Variants in GIGYF2 observed in about 807,000 individuals in gnomAD.
GIGYF2 encodes GRB10-interacting GYF protein 2.
In GIGYF2, 25 loss-of-function variants were observed where a neutral mutation model predicts 208.1. The ratio of observed to expected loss-of-function variants is 0.12; its 90% CI spans 0.09 to 0.17. The LOEUF (loss-of-function observed/expected upper bound fraction) is 0.17, where lower values mean the gene tolerates loss of function less well. Among genes scored for constraint, GIGYF2 ranks in the 10% least tolerant of loss-of-function variants. The pLI is 1.00. For synonymous variants in GIGYF2, 534 were observed against 543.8 expected (o/e 0.98, Z 0.25); for missense variants, 1,302 against 1,579.4 (o/e 0.82, Z 2.98).
chr2:232,720,850 C>T, intron 2 of GIGYF2, among the ~76,000 whole-genome samples: 1 of 152,200 alleles, frequency 6.6e-6, no homozygotes, highest in East Asian at 1.9e-4. Flanking sequence ...CCACCTCAGC[C>T]TCCCAAAGTG....
rs1690602205 is a variant in GIGYF2 at position 232,856,958 on chromosome 2, C to T, written c.*98C>T. The T allele has an allele frequency of 2.3e-6, 2 of 852,136 alleles. No homozygotes were observed. Among genetic ancestry groups the T allele is most frequent in the Admixed American group, 1.7e-5 (1 of 58,774 alleles). The allele number at this position is 852,136 out of a possible 1,614,324, so 52.8% of individuals were successfully genotyped here. On this transcript the variant is annotated 3_prime_UTR_variant, in exon 29 of 29. Coordinates refer to ENST00000373563, the MANE Select transcript of GIGYF2 (RefSeq NM_001103146.3). ...TACTCACCATTTACTCTTTATCACTCTGCAACAAATCACAGAACCGATCAT... is the reference window on the plus strand; with the variant it reads ...TACTCACCATTTACTCTTTATCACTTTGCAACAAATCACAGAACCGATCAT...
At chr2:232,733,849 A>C (rs1361218890) in intron 2 of GIGYF2, among the ~76,000 whole-genome samples, 3 of 152,250 alleles carry the variant, frequency 2.0e-5, no homozygotes, top group African/African-American at 7.2e-5. Flanking sequence ...GACAAGGAAA[A>C]GAAGTGTCTA....
intron 2 of GIGYF2, among the ~76,000 whole-genome samples, chr2:232,717,125 G>A (rs1696722508): frequency 6.6e-6 from 1 of 151,922 alleles, no homozygotes; most frequent in South Asian, 2.1e-4. Flanking sequence ...TGAAGTATTT[G>A]TAATTGCTAA....
At chr2:232,800,621 G>A (rs538301957) in intron 14 of GIGYF2, among the ~76,000 whole-genome samples, 1 of 147,942 alleles carries the variant, frequency 6.8e-6, no homozygotes. Flanking sequence ...GTCTTGCTCT[G>A]TTGCCCAGGC....
intron 3 of GIGYF2, among the ~76,000 whole-genome samples, chr2:232,743,761 C>T (rs531798176): frequency 1.2e-3 from 181 of 152,348 alleles, no homozygotes; most frequent in African/African-American, 4.2e-3. Flanking sequence ...AGGCAACTGT[C>T]TTTTAGTTTG....
chr2:232,791,168 T>C lies in GIGYF2; in HGVS notation c.1091T>C (p.Val364Ala). 6.2e-7 allele frequency: 1 copy of C among 1,613,534 alleles called. No homozygotes were observed. Among genetic ancestry groups the C allele is most frequent in the African/African-American group, 1.3e-5 (1 of 74,830 alleles). Reference sequence around the variant, plus strand: ...GGAGAGAAAACAGATAGAGTAGGAGTTGGTAAGGCCTCTTCTTGCCCTTTG... The same window carrying C: ...GGAGAGAAAACAGATAGAGTAGGAGCTGGTAAGGCCTCTTCTTGCCCTTTG... ...KEGEKTDRVGVEASEETPQTS... is the reference protein window; with the variant it reads ...KEGEKTDRVGAEASEETPQTS... The change falls in exon 11 of 29, where the codon GTT (valine) becomes GCT (alanine). Residue 364 changes from valine to alanine, a missense_variant and splice_region_variant. Val to Ala is a moderately conservative substitution (Grantham distance 64). Coordinates refer to ENST00000373563, the MANE Select transcript of GIGYF2 (RefSeq NM_001103146.3).
intron 3 of GIGYF2, among the ~76,000 whole-genome samples, chr2:232,738,123 G>A (rs1379681942): frequency 1.3e-5 from 2 of 151,908 alleles, no homozygotes; most frequent in Non-Finnish European, 2.9e-5. Context: ...CACCATGTTG[G>A]CCAGGCTGGT....
chr2:232,703,862 G>T (rs546230814), intron 2 of GIGYF2, among the ~76,000 whole-genome samples: 1 of 152,124 alleles, frequency 6.6e-6, no homozygotes, highest in Non-Finnish European at 1.5e-5. Flanking sequence ...TTACCAGCTG[G>T]CCAGTGTCCT....
intron 2 of GIGYF2, among the ~76,000 whole-genome samples, chr2:232,712,895 C>G (rs1696492286): frequency 6.6e-6 from 1 of 151,950 alleles, no homozygotes; most frequent in Non-Finnish European, 1.5e-5. Context: ...GTTTTTAGTG[C>G]TAAGTAGATA....
At position 232,847,534 on chromosome 2, in the gene GIGYF2, A is replaced by G. The variant is rs201154978; in HGVS notation, c.3647A>G (p.Gln1216Arg). 1 of 1,598,948 alleles carries G rather than the reference A, an allele frequency of 6.3e-7. No homozygotes were observed. The highest frequency in any genetic ancestry group is 8.5e-7 in the Non-Finnish European group (1 of 1,173,152). The change falls in exon 27 of 29, where the codon CAG (glutamine) becomes CGG (arginine). Residue 1216 changes from glutamine (Q) to arginine (R), a missense_variant. Gln to Arg is a conservative substitution (Grantham distance 43, BLOSUM62 1). This residue lies in a region of GIGYF2 where 701 missense variants were observed against 793.0 expected (regional missense o/e 0.88). Transcript: ENST00000373563. ...CAGCTGCCACAGCAGCAGCAGCAGC[A>G]GCCGCCACAGCAGCCGCCACAGCAG... is the stretch of plus-strand genomic sequence containing the variant. ...QQQLPQQQQQ[Q>R]PPQQPPQQPQ...
chr2:232,757,163 G>C (rs957155104), intron 6 of GIGYF2, among the ~76,000 whole-genome samples: 1 of 152,108 alleles, frequency 6.6e-6, no homozygotes, highest in Non-Finnish European at 1.5e-5. Context: ...TTTATAAATA[G>C]AGTAATTTAT....
At chr2:232,717,101 A>G (rs1337232629) in intron 2 of GIGYF2, among the ~76,000 whole-genome samples, 2 of 152,042 alleles carry the variant, frequency 1.3e-5, no homozygotes, top group African/African-American at 4.8e-5. Context: ...GGCGTGAGCC[A>G]CCATACTTGG....
intron 2 of GIGYF2, among the ~76,000 whole-genome samples, chr2:232,720,890 C>T (rs935672082): frequency 6.6e-6 from 1 of 152,126 alleles, no homozygotes; most frequent in African/African-American, 2.4e-5. Context: ...CCACCGTGCC[C>T]TGCCTCTCTC....
At chr2:232,746,421 A>G (rs560042610) in intron 3 of GIGYF2, among the ~76,000 whole-genome samples, 14 of 152,080 alleles carry the variant, frequency 9.2e-5, no homozygotes, top group Middle Eastern at 3.4e-3. Context: ...ACATATTTCA[A>G]TGCTTCTATT....
At chr2:232,764,666 T>C (rs900838332) in intron 8 of GIGYF2, 3 of 152,212 alleles carry the variant, frequency 2.0e-5, no homozygotes, top group Non-Finnish European at 4.4e-5. Flanking sequence ...GGCTAACTGT[T>C]GGAAGGTTCA....
intron 3 of GIGYF2, among the ~76,000 whole-genome samples, chr2:232,743,095 A>G (rs377631525): frequency 2.6e-5 from 4 of 152,166 alleles, no homozygotes; most frequent in Non-Finnish European, 5.9e-5. Flanking sequence ...TGGGAGTATC[A>G]TGGGGCTTTG....
rs545717113 is a variant in GIGYF2 at position 232,791,203 on chromosome 2, T to C, written c.1093+33T>C. ...CTCTTCTTGCCCTTTGCCTTTTTTT[T>C]CCTCCATCAAACCAAAACTTTCGTA... On this transcript the variant is annotated intron_variant, in intron 11 of 28. Transcript: ENST00000373563. 2.2e-4 allele frequency: 354 copies of C among 1,613,946 alleles called. 6 individuals are homozygous for C. In the South Asian group the frequency reaches 3.5e-3, roughly 16 times the overall value.
At chr2:232,745,762 T>C (rs1017163967) in intron 3 of GIGYF2, among the ~76,000 whole-genome samples, 1 of 152,170 alleles carries the variant, frequency 6.6e-6, no homozygotes, top group Non-Finnish European at 1.5e-5. Flanking sequence ...CATAAATTAC[T>C]GCAAGTATCA....
chr2:232,728,302 T>A (rs544785887), intron 2 of GIGYF2, among the ~76,000 whole-genome samples: 17 of 152,302 alleles, frequency 1.1e-4, no homozygotes, highest in Admixed American at 9.2e-4. Flanking sequence ...CGATTGGACT[T>A]TTTTAGAGGA....
Sources: gnomAD v4.1 joint callset for allele counts (sites outside exome capture counted in the v4.1 genomes callset) on GRCh38, gnomAD v4.1.1 for gene constraint, gnomAD v4.1.1 regional missense constraint, MANE v1.5 for transcripts, NCBI Gene and HGNC (gene_info 2026-07-23, HGNC 2026-07-21) for gene names.